ESRRG: variants seen among roughly 807,000 people sequenced by gnomAD.
ESRRG encodes the protein estrogen-related receptor gamma.
ESRRG carries 13 observed loss-of-function variants against 44.0 expected under a neutral mutation model. That is an observed-to-expected ratio of 0.30 (90% confidence interval 0.19 to 0.47). The LOEUF (loss-of-function observed/expected upper bound fraction) is 0.47. ESRRG is among the 20% of genes least tolerant of loss of function. The probability of loss-of-function intolerance (pLI) is 1.00; values close to 1 mark genes in which losing one functional copy is unlikely to be tolerated. For synonymous variants in ESRRG, 215 were observed against 214.6 expected (o/e 1.00, Z -0.02); for missense variants, 395 against 580.6 (o/e 0.68, Z 3.29).
chr1:216,714,666 A>G, intron 1 of ESRRG: 1 of 539,048 alleles, frequency 1.9e-6, no homozygotes, highest in Non-Finnish European at 2.4e-6. Context: ...AAAAAATACA[A>G]TTTGAGTTTT....
intron 2 of ESRRG, among the ~76,000 whole-genome samples, chr1:216,860,939 C>T (rs749185335): frequency 1.3e-4 from 20 of 151,784 alleles, no homozygotes; most frequent in Non-Finnish European, 2.4e-4. Context: ...AAGAGCAAAA[C>T]GTGAAAAGAA....
intron 2 of ESRRG, among the ~76,000 whole-genome samples, chr1:216,765,165 AT>A (rs1179708008): frequency 6.6e-6 from 1 of 152,038 alleles, no homozygotes; most frequent in Non-Finnish European, 1.5e-5. Context: ...AAGGCTGGAG[AT>A]TGTCCTGGAG....
At chr1:216,667,096 C>T (rs1327377392) in intron 2 of ESRRG, among the ~76,000 whole-genome samples, 1 of 152,202 alleles carries the variant, frequency 6.6e-6, no homozygotes, top group Non-Finnish European at 1.5e-5. Context: ...ATGCCAGCTG[C>T]ACCCACAGTC....
upstream of ESRRG, among the ~76,000 whole-genome samples, chr1:216,727,059 T>A (rs957648553): frequency 5.3e-5 from 8 of 152,202 alleles, no homozygotes; most frequent in Admixed American, 5.2e-4. Flanking sequence ...CTCCTATCTT[T>A]CTTTTCTGAA....
Position 217,121,849 on chromosome 1 carries a change from C to T in ESRRG, c.-230+15818G>A, listed in dbSNP as rs2092824357. Reference sequence around the variant, plus strand: ...AATAATGTTTCAGCCAAGAACATAACCACCTACTAGTGACCACATTATAAA... The same window carrying T: ...AATAATGTTTCAGCCAAGAACATAATCACCTACTAGTGACCACATTATAAA... On this transcript the variant is annotated intron_variant, in intron 1 of 8. Coordinates refer to the ESRRG transcript ENST00000366940. 3.3e-5 allele frequency among the ~76,000 whole-genome samples: 5 copies of T among 152,284 alleles called. No individual in the cohort carries two copies. The South Asian group carries it at 1.0e-3, about 32-fold the overall frequency.
At chr1:216,635,467 C>A (rs577327772) in intron 3 of ESRRG, among the ~76,000 whole-genome samples, 5 of 152,250 alleles carry the variant, frequency 3.3e-5, no homozygotes, top group African/African-American at 1.2e-4. Context: ...CTATAATATA[C>A]CTTTTTTGTC....
intron 1 of ESRRG, among the ~76,000 whole-genome samples, chr1:216,722,926 C>T (rs968289284): frequency 7.2e-5 from 11 of 152,114 alleles, no homozygotes; most frequent in African/African-American, 2.7e-4. Context: ...GTAAAAGATG[C>T]ATTTTAACAG....
chr1:217,059,890 G>C (rs574070953), intron 1 of ESRRG, among the ~76,000 whole-genome samples: 1 of 152,164 alleles, frequency 6.6e-6, no homozygotes, highest in African/African-American at 2.4e-5. Flanking sequence ...GGATTCAAGG[G>C]CTTGTCATTT....
chr1:216,600,026 C>G (rs969425727), intron 3 of ESRRG, among the ~76,000 whole-genome samples: 9 of 152,182 alleles, frequency 5.9e-5, no homozygotes, highest in African/African-American at 2.2e-4. Context: ...CACTAATAGC[C>G]CCTGTTAACA....
chr1:216,988,359 A>T (rs1306946580), intron 1 of ESRRG, among the ~76,000 whole-genome samples: 2 of 152,296 alleles, frequency 1.3e-5, no homozygotes, highest in Non-Finnish European at 2.9e-5. Flanking sequence ...TTACCTGTAA[A>T]AGACTATTTT....
chr1:216,530,243 A>G (rs1236147737), intron 5 of ESRRG, among the ~76,000 whole-genome samples: 1 of 151,288 alleles, frequency 6.6e-6, no homozygotes, highest in Non-Finnish European at 1.5e-5. Flanking sequence ...CATTCCACAC[A>G]CTGAATAAAT....
intron 1 of ESRRG, among the ~76,000 whole-genome samples, chr1:216,718,846 G>GA (rs1341963098): frequency 6.6e-6 from 1 of 151,958 alleles, no homozygotes; most frequent in Non-Finnish European, 1.5e-5. Context: ...CTGCTGCAAT[G>GA]ACTCTAAAGT....
At chr1:217,069,231 G>A (rs547369632) in intron 1 of ESRRG, among the ~76,000 whole-genome samples, 3 of 152,074 alleles carry the variant, frequency 2.0e-5, no homozygotes, top group African/African-American at 4.8e-5. Flanking sequence ...TCTTTCTTCC[G>A]TGGTGGATCC....
chr1:216,917,644 G>C (rs2061354986), intron 2 of ESRRG, among the ~76,000 whole-genome samples: 1 of 152,100 alleles, frequency 6.6e-6, no homozygotes, highest in East Asian at 1.9e-4. Context: ...CACAAGAGCA[G>C]AGTCCACAGT....
chr1:216,670,772 G>A (rs1424830263), intron 2 of ESRRG, among the ~76,000 whole-genome samples: 1 of 152,084 alleles, frequency 6.6e-6, no homozygotes, highest in East Asian at 1.9e-4. Flanking sequence ...TGTGGGCAAG[G>A]GTGTCCACAC....
chr1:216,825,943 T>A (rs2095385428), intron 2 of ESRRG, among the ~76,000 whole-genome samples: 1 of 152,136 alleles, frequency 6.6e-6, no homozygotes, highest in Admixed American at 6.6e-5. Context: ...ACCAATGAAG[T>A]CCACGTATTG....
chr1:216,517,286 C>T (rs940625293), intron 6 of ESRRG, among the ~76,000 whole-genome samples: 1 of 152,042 alleles, frequency 6.6e-6, no homozygotes, highest in Non-Finnish European at 1.5e-5. Context: ...CACTTCCTCT[C>T]CCAGAAGTAG....
At chr1:216,872,455 T>C (rs549426881) in intron 2 of ESRRG, among the ~76,000 whole-genome samples, 13 of 152,304 alleles carry the variant, frequency 8.5e-5, no homozygotes, top group African/African-American at 2.4e-4. Context: ...TTTTAAAAAT[T>C]GTCCCACACA....
intron 2 of ESRRG, among the ~76,000 whole-genome samples, chr1:216,850,651 C>T (rs968795582): frequency 2.0e-5 from 3 of 151,884 alleles, no homozygotes; most frequent in Admixed American, 2.0e-4. Context: ...TAAATATATG[C>T]AAAATTAAAG....
Sources: gnomAD v4.1 joint callset for allele counts (sites outside exome capture counted in the v4.1 genomes callset) on GRCh38, gnomAD v4.1.1 for gene constraint, MANE v1.5 for transcripts, NCBI Gene and HGNC (gene_info 2026-07-23, HGNC 2026-07-21) for gene names.